DMRTA2: variants seen among roughly 807,000 people sequenced by gnomAD.
DMRTA2 encodes DMRT like family A2.
DMRTA2 carries 10 observed loss-of-function variants against 29.7 expected under a neutral mutation model. The ratio of observed to expected loss-of-function variants is 0.34; its 90% CI spans 0.21 to 0.57. The LOEUF (loss-of-function observed/expected upper bound fraction) is 0.57. Among genes scored for constraint, DMRTA2 ranks in the 20% least tolerant of loss-of-function variants. The pLI is 0.87. For missense variants in DMRTA2, 783 were observed against 812.1 expected (o/e 0.96, Z 0.44); for synonymous variants, 469 against 402.6 (o/e 1.16, Z -1.97).
At position 50,418,045 on chromosome 1, in the gene DMRTA2, C is replaced by A. The variant is rs1427895973; in HGVS notation, c.*620G>T. Reference sequence around the variant, plus strand: ...TTTATACATATATAAAAACACACTGCACCAAGGAAACCCATGCTTATCGGC... The same window carrying A: ...TTTATACATATATAAAAACACACTGAACCAAGGAAACCCATGCTTATCGGC... On this transcript the variant is annotated 3_prime_UTR_variant, in exon 3 of 3. Transcript: ENST00000404795. 1.3e-5 allele frequency: 2 copies of A among 151,520 alleles called. No homozygotes were observed. The highest frequency in any genetic ancestry group is 2.9e-5 in the Non-Finnish European group (2 of 67,974). The allele number at this position is 151,520 out of a possible 1,614,324, so 9.4% of individuals were successfully genotyped here.
In DMRTA2 at chr1:50,420,716, A is replaced by G. The variant is rs1646030725; in HGVS notation, c.559+262T>C. Among the ~76,000 whole-genome samples the G allele has an allele frequency of 6.6e-6, 1 of 152,200 alleles. No homozygotes were observed. Among genetic ancestry groups the G allele is most frequent in the African/African-American group, 2.4e-5 (1 of 41,458 alleles). ...AGCAGGGACCTGCCTGCGTTTGGGT[A>G]GAGGCGAGTAAAAAAATTAAAGCGT... On this transcript the variant is annotated intron_variant, in intron 2 of 2. Coordinates refer to ENST00000404795, the MANE Select transcript of DMRTA2 (RefSeq NM_032110.3). The surrounding 1 kb of genome is among the most constrained non-coding windows in gnomAD (Gnocchi z 4.1).
At position 50,418,910 on chromosome 1, in the gene DMRTA2, C is replaced by G. The variant is rs775530180; in HGVS notation, c.1384G>C (p.Gly462Arg). 3 of 1,441,766 alleles carry G rather than the reference C, an allele frequency of 2.1e-6. No homozygotes were observed. The highest frequency in any genetic ancestry group is 2.7e-6 in the Non-Finnish European group (3 of 1,103,472). 89.3% of individuals were successfully genotyped at this position (1,441,766 alleles called of 1,614,324 possible). Reference protein sequence around the residue: ...AGAYPLGAPLGLSPLRLAYSA... With the variant: ...AGAYPLGAPLRLSPLRLAYSA... ...TAGGCCAGGCGCAGGGGGCTGAGGCCGAGCGGCGCGCCCAGCGGGTAGGCG... is the reference window on the plus strand; with the variant it reads ...TAGGCCAGGCGCAGGGGGCTGAGGCGGAGCGGCGCGCCCAGCGGGTAGGCG... Residue 462 changes from glycine (G) to arginine (R), a missense_variant, in exon 3 of 3, where the codon GGC becomes CGC. Gly to Arg is a moderately radical substitution (Grantham distance 125). Around this residue, in one of 3 missense-constraint regions of DMRTA2, gnomAD observed 667 missense variants for 624.8 expected, o/e 1.07. Coordinates refer to ENST00000404795, the MANE Select transcript of DMRTA2 (RefSeq NM_032110.3).
rs1327324552 is a variant in DMRTA2 at position 50,418,701 on chromosome 1, G to A, written c.1593C>T (p.Tyr531=). The change falls in exon 3 of 3, where the codon TAC becomes TAT. Residue 531 remains tyrosine, a synonymous_variant. Transcript: ENST00000404795. ...CCGGAGCGCCGTTGACCATAGGCCCGTACAGGCCGCCGCCGTAGGTCGGCT... is the reference window on the plus strand; with the variant it reads ...CCGGAGCGCCGTTGACCATAGGCCCATACAGGCCGCCGCCGTAGGTCGGCT... ...HKEPTYGGGL[Y]GPMVNGAPEK... is the part of the protein sequence containing the mutation. 4.7e-6 allele frequency: 7 copies of A among 1,491,440 alleles called. No homozygotes were observed. In the African/African-American group the frequency reaches 7.3e-5, roughly 16 times the overall value. 92.4% of individuals were successfully genotyped at this position (1,491,440 alleles called of 1,614,324 possible).
Position 50,418,759 on chromosome 1 carries a change from C to A in DMRTA2, c.1535G>T (p.Arg512Leu), listed in dbSNP as rs1251159807. The A allele has an allele frequency of 6.3e-7, 1 of 1,575,520 alleles. No homozygotes were observed. Among genetic ancestry groups the A allele is most frequent in the Non-Finnish European group, 8.6e-7 (1 of 1,164,468 alleles). The change falls in exon 3 of 3, where the codon CGC (arginine) becomes CTC (leucine). Residue 512 changes from arginine (R) to leucine (L), a missense_variant. This residue lies in a region of DMRTA2 where 667 missense variants were observed against 624.8 expected (regional missense o/e 1.07). Coordinates refer to ENST00000404795, the MANE Select transcript of DMRTA2 (RefSeq NM_032110.3). ...DYAFSDLMRDRSAAAAAAVHK... is the reference protein window; with the variant it reads ...DYAFSDLMRDLSAAAAAAVHK... ...CACCGCCGCAGCAGCGGCGGCCGAG[C>A]GGTCACGCATGAGATCGCTAAAGGC...
At position 50,422,965 on chromosome 1, in the gene DMRTA2, T is replaced by C. The variant is rs1375195930; in HGVS notation, c.-9+151A>G. On this transcript the variant is annotated intron_variant, in intron 1 of 2. Coordinates refer to ENST00000404795, the MANE Select transcript of DMRTA2 (RefSeq NM_032110.3). The surrounding 1 kb of genome is among the most constrained non-coding windows in gnomAD (Gnocchi z 5.7). Reference sequence around the variant, plus strand: ...CCGCGACAGAGTCCTTGTGTCTCCGTCCGAGAGTCCCAGACCTCCTCTCTA... The same window carrying C: ...CCGCGACAGAGTCCTTGTGTCTCCGCCCGAGAGTCCCAGACCTCCTCTCTA... Among the ~76,000 whole-genome samples, 6 of 152,164 alleles carry C rather than the reference T, an allele frequency of 3.9e-5. No homozygotes were observed. Among genetic ancestry groups the C allele is most frequent in the African/African-American group, 1.4e-4 (6 of 41,458 alleles).
At position 50,420,984 on chromosome 1, in the gene DMRTA2, C is replaced by T; in HGVS notation, c.553G>A (p.Gly185Ser). 6.7e-7 allele frequency: 1 copy of T among 1,497,234 alleles called. No individual in the cohort carries two copies. The highest frequency in any genetic ancestry group is 1.3e-5 in the South Asian group (1 of 79,898). The allele number at this position is 1,497,234 out of a possible 1,614,324, so 92.7% of individuals were successfully genotyped here. Residue 185 changes from glycine (G) to serine (S), a missense_variant, in exon 2 of 3, where the codon GGC becomes AGC. Gly to Ser is a moderately conservative substitution (Grantham distance 56). Coordinates refer to ENST00000404795, the MANE Select transcript of DMRTA2 (RefSeq NM_032110.3). This position sits in a 1 kb window ranked among gnomAD's most constrained non-coding sequence, Gnocchi z 4.1. ...GGCCTGGCCGCGCTCTCACCTGAGC[C>T]CCCTGCGCCAGCTGCTCCGCCTCCG... ...GTGGGAAGAG[G>S]SEAKLQKFDL...
Position 50,418,749 on chromosome 1 carries a change from G to T in DMRTA2, c.1545C>A (p.Ala515=). Residue 515 remains alanine, a synonymous_variant, in exon 3 of 3, where the codon GCC becomes GCA. Transcript: ENST00000404795. ...GCTCCTTGTGCACCGCCGCAGCAGC[G>T]GCGGCCGAGCGGTCACGCATGAGAT... ...FSDLMRDRSA[A]AAAAVHKEPT... The T allele has an allele frequency of 2.6e-6, 4 of 1,564,710 alleles. No homozygotes were observed. Among genetic ancestry groups the T allele is most frequent in the Non-Finnish European group, 3.4e-6 (4 of 1,159,462 alleles).
At position 50,418,425 on chromosome 1, in the gene DMRTA2, T is replaced by C. The variant is rs970392581; in HGVS notation, c.*240A>G. 11 of 374,676 alleles carry C rather than the reference T, an allele frequency of 2.9e-5. No homozygotes were observed. The highest frequency in any genetic ancestry group is 4.3e-5 in the Non-Finnish European group (9 of 211,694). 23.2% of individuals were successfully genotyped at this position (374,676 alleles called of 1,614,324 possible). A position where few individuals can be genotyped will look rare whatever the true frequency, so the allele number is the denominator to read the frequency against. ...TGAGGCTGGAAGAGGGATCCGGAGGTAGGAGATGAGGACCCAGGCCGCGCA... is the reference window on the plus strand; with the variant it reads ...TGAGGCTGGAAGAGGGATCCGGAGGCAGGAGATGAGGACCCAGGCCGCGCA... On this transcript the variant is annotated 3_prime_UTR_variant, in exon 3 of 3. Transcript: ENST00000404795.
chr1:50,418,757 A>G lies in DMRTA2; in HGVS notation c.1537T>C (p.Ser513Pro). 6.4e-7 allele frequency: 1 copy of G among 1,573,964 alleles called. No individual in the cohort carries two copies. Among genetic ancestry groups the G allele is most frequent in the Middle Eastern group, 1.8e-4 (1 of 5,636 alleles). Reference protein sequence around the residue: ...YAFSDLMRDRSAAAAAAVHKE... With the variant: ...YAFSDLMRDRPAAAAAAVHKE... Reference sequence around the variant, plus strand: ...TGCACCGCCGCAGCAGCGGCGGCCGAGCGGTCACGCATGAGATCGCTAAAG... The same window carrying G: ...TGCACCGCCGCAGCAGCGGCGGCCGGGCGGTCACGCATGAGATCGCTAAAG... The change falls in exon 3 of 3, where the codon TCG becomes CCG. Residue 513 changes from serine (S) to proline (P), a missense_variant. By Grantham distance (74) the Ser-to-Pro change is moderately conservative. Coordinates refer to ENST00000404795, the MANE Select transcript of DMRTA2 (RefSeq NM_032110.3).
chr1:50,418,843 G>A lies in DMRTA2; in HGVS notation c.1451C>T (p.Ala484Val). Residue 484 changes from alanine (A) to valine (V), a missense_variant, in exon 3 of 3, where the codon GCG becomes GTG. This residue lies in a region of DMRTA2 where 667 missense variants were observed against 624.8 expected (regional missense o/e 1.07). Coordinates refer to ENST00000404795, the MANE Select transcript of DMRTA2 (RefSeq NM_032110.3). ...AAHSRGLAFMAPYSTAGLVPT... is the reference protein window; with the variant it reads ...AAHSRGLAFMVPYSTAGLVPT... The stretch of plus-strand genomic sequence containing the variant: ...CACCAAGCCGGCAGTGGAGTAGGGC[G>A]CCATGAAGGCCAGACCGCGGCTGTG... 6.4e-7 allele frequency: 1 copy of A among 1,572,180 alleles called. No homozygotes were observed. Among genetic ancestry groups the A allele is most frequent in the Non-Finnish European group, 8.6e-7 (1 of 1,163,128 alleles).
In DMRTA2 at chr1:50,422,689, C is replaced by T. The variant is rs1294681180; in HGVS notation, c.-9+427G>A. Among the ~76,000 whole-genome samples the T allele has an allele frequency of 6.6e-6, 1 of 152,226 alleles. No homozygotes were observed. Among genetic ancestry groups the T allele is most frequent in the Non-Finnish European group, 1.5e-5 (1 of 68,032 alleles). On this transcript the variant is annotated intron_variant, in intron 1 of 2. Transcript: ENST00000404795. The surrounding 1 kb of genome is among the most constrained non-coding windows in gnomAD (Gnocchi z 5.7). Reference sequence around the variant, plus strand: ...TTTAGGGACAGAGTCGTCAGACACGCCCTCCCCGTCTTGGGGTCCCAGGGG... The same window carrying T: ...TTTAGGGACAGAGTCGTCAGACACGTCCTCCCCGTCTTGGGGTCCCAGGGG...
At position 50,421,437 on chromosome 1, in the gene DMRTA2, C is replaced by CCGCCACCGA. The variant is rs773467834; in HGVS notation, c.91_99dup (p.Ser31_Ala33dup). 13 of 1,337,456 alleles carry CCGCCACCGA rather than the reference C, an allele frequency of 9.7e-6. No individual in the cohort carries two copies. The highest frequency in any genetic ancestry group is 6.0e-5 in the South Asian group (3 of 50,288). The allele number at this position is 1,337,456 out of a possible 1,614,324, so 82.8% of individuals were successfully genotyped here. A position where few individuals can be genotyped will look rare whatever the true frequency, so the allele number is the denominator to read the frequency against. On this transcript the variant is annotated inframe_insertion, in exon 2 of 3. Transcript: ENST00000404795. The surrounding 1 kb of genome is among the most constrained non-coding windows in gnomAD (Gnocchi z 8.7). The stretch of plus-strand genomic sequence containing the variant: ...AGCGATGCAGCGGCCGCCGCGGCTG[C>CCGCCACCGA]CGCCACCGACGCCACCGACGCCACA...
chr1:50,422,126 T>A lies in DMRTA2; in HGVS notation c.-8-582A>T, dbSNP rs754966960. Among the ~76,000 whole-genome samples, 12 of 152,182 alleles carry A rather than the reference T, an allele frequency of 7.9e-5. No individual in the cohort carries two copies. Among genetic ancestry groups the A allele is most frequent in the South Asian group, 2.1e-4 (1 of 4,834 alleles). On this transcript the variant is annotated intron_variant, in intron 1 of 2. Transcript: ENST00000404795. This position sits in a 1 kb window ranked among gnomAD's most constrained non-coding sequence, Gnocchi z 5.7. ...TTTCTTTTTGTTTGTTTATTTTTAA[T>A]GCAGTTTGGGGCAGAAGCTTTGGAG...
rs764823498 is a variant in DMRTA2 at position 50,422,095 on chromosome 1, G to GTTTTGTTTCT, written c.-8-561_-8-552dup. Among the ~76,000 whole-genome samples the GTTTTGTTTCT allele has an allele frequency of 6.6e-6, 1 of 152,222 alleles. No homozygotes were observed. Among genetic ancestry groups the GTTTTGTTTCT allele is most frequent in the Non-Finnish European group, 1.5e-5 (1 of 68,042 alleles). On this transcript the variant is annotated intron_variant, in intron 1 of 2. Transcript: ENST00000404795. The surrounding 1 kb of genome is among the most constrained non-coding windows in gnomAD (Gnocchi z 5.7). ...AGATGTGAAGGCCGGTTGGGCCGGA[G>GTTTTGTTTCT]TTTTGTTTCTTTTTGTTTGTTTATT...
Position 50,422,788 on chromosome 1 carries a change from C to T in DMRTA2, c.-9+328G>A, listed in dbSNP as rs1267130125. Among the ~76,000 whole-genome samples, 1 of 152,286 alleles carries T rather than the reference C, an allele frequency of 6.6e-6. No homozygotes were observed. Among genetic ancestry groups the T allele is most frequent in the African/African-American group, 2.4e-5 (1 of 41,560 alleles). Reference sequence around the variant, plus strand: ...CTAGGACACGGATGGCCCAGCAGGCCGCACCAAGCCAGGGGAGTCGCCTTC... The same window carrying T: ...CTAGGACACGGATGGCCCAGCAGGCTGCACCAAGCCAGGGGAGTCGCCTTC... On this transcript the variant is annotated intron_variant, in intron 1 of 2. Coordinates refer to ENST00000404795, the MANE Select transcript of DMRTA2 (RefSeq NM_032110.3). This position sits in a 1 kb window ranked among gnomAD's most constrained non-coding sequence, Gnocchi z 5.7.
At position 50,421,753 on chromosome 1, in the gene DMRTA2, C is replaced by G; in HGVS notation, c.-8-209G>C. 2.4e-6 allele frequency: 1 copy of G among 416,068 alleles called. No individual in the cohort carries two copies. Among genetic ancestry groups the G allele is most frequent in the Admixed American group, 4.7e-5 (1 of 21,396 alleles). The allele number at this position is 416,068 out of a possible 1,614,324, so 25.8% of individuals were successfully genotyped here. On this transcript the variant is annotated intron_variant, in intron 1 of 2. Coordinates refer to ENST00000404795, the MANE Select transcript of DMRTA2 (RefSeq NM_032110.3). This position sits in a 1 kb window ranked among gnomAD's most constrained non-coding sequence, Gnocchi z 8.7. ...TCACCCCAGTCTGGCCATGGCTGCT[C>G]TTAGACCTGATATACACGCTAGGGG...
Position 50,421,144 on chromosome 1 carries a change from C to G in DMRTA2, c.393G>C (p.Leu131=). 6.5e-6 allele frequency: 10 copies of G among 1,532,812 alleles called. No individual in the cohort carries two copies. Among genetic ancestry groups the G allele is most frequent in the Non-Finnish European group, 8.8e-6 (10 of 1,142,216 alleles). 95.0% of individuals were successfully genotyped at this position (1,532,812 alleles called of 1,614,324 possible). The part of the protein sequence containing the change: ...QEENEARELQ[L]LYGTAEGLAL... Reference sequence around the variant, plus strand: ...CCAGCCCCTCGGCAGTGCCGTAGAGCAGCTGCAGCTCGCGCGCCTCGTTCT... The same window carrying G: ...CCAGCCCCTCGGCAGTGCCGTAGAGGAGCTGCAGCTCGCGCGCCTCGTTCT... Residue 131 remains leucine, a synonymous_variant, in exon 2 of 3, where the codon CTG becomes CTC. Transcript: ENST00000404795. This position sits in a 1 kb window ranked among gnomAD's most constrained non-coding sequence, Gnocchi z 8.7.
chr1:50,422,757 G>A lies in DMRTA2; in HGVS notation c.-9+359C>T, dbSNP rs1646047941. The stretch of plus-strand genomic sequence containing the variant: ...GCTCCTGCGTTCTGATCTCAGAGTT[G>A]GGGTCCTAGGACACGGATGGCCCAG... On this transcript the variant is annotated intron_variant, in intron 1 of 2. Coordinates refer to ENST00000404795, the MANE Select transcript of DMRTA2 (RefSeq NM_032110.3). This position sits in a 1 kb window ranked among gnomAD's most constrained non-coding sequence, Gnocchi z 5.7. Among the ~76,000 whole-genome samples the A allele has an allele frequency of 6.6e-6, 1 of 152,080 alleles. No homozygotes were observed. Among genetic ancestry groups the A allele is most frequent in the Non-Finnish European group, 1.5e-5 (1 of 68,000 alleles).
At position 50,421,021 on chromosome 1, in the gene DMRTA2, C is replaced by A; in HGVS notation, c.516G>T (p.Ala172=). 5.3e-6 allele frequency: 8 copies of A among 1,508,302 alleles called. No homozygotes were observed. The highest frequency in any genetic ancestry group is 7.0e-6 in the Non-Finnish European group (8 of 1,135,254). The allele number at this position is 1,508,302 out of a possible 1,614,324, so 93.4% of individuals were successfully genotyped here. ...AADGGGPGAG[A]PAGTGGGAAG... is the part of the protein sequence containing the mutation. ...CTGCTCCGCCTCCGGTCCCCGCGGG[C>A]GCTCCCGCTCCAGGTCCCCCGCCGT... The change falls in exon 2 of 3, where the codon GCG becomes GCT. Residue 172 remains alanine, a synonymous_variant. Transcript: ENST00000404795. This position sits in a 1 kb window ranked among gnomAD's most constrained non-coding sequence, Gnocchi z 8.7.
Sources: allele counts gnomAD v4.1 joint callset (sites outside exome capture counted in the v4.1 genomes callset), GRCh38; gene constraint gnomAD v4.1.1; regional missense constraint gnomAD v4.1.1; non-coding constraint Gnocchi (gnomAD v3.1); transcripts MANE v1.5; gene names NCBI Gene and HGNC (gene_info 2026-07-23, HGNC 2026-07-21).